The following NF1 variants were observed in gnomAD, a reference collection of about 807,000 sequenced individuals.
The protein encoded by NF1 is neurofibromin 1.
NF1 carries 122 observed loss-of-function variants against 325.7 expected under a neutral mutation model. The observed-to-expected ratio is 0.37, with a 90% CI of 0.32 to 0.44. The LOEUF is 0.44. Ranked by LOEUF, NF1 falls within the 20% of genes least tolerant of loss-of-function variation. The pLI, the probability that NF1 is intolerant of heterozygous loss-of-function variation, is 1.00. For synonymous variants in NF1, 1,091 were observed against 1,186.0 expected (o/e 0.92, Z 1.65); for missense variants, 2,140 against 3,415.4 (o/e 0.63, Z 9.31).
intron 5 of NF1, among the ~76,000 whole-genome samples, chr17:31,179,689 A>G (rs534970054): frequency 6.4e-4 from 98 of 152,244 alleles, no homozygotes; most frequent in Middle Eastern, 3.4e-3. Flanking sequence ...AGCCTGAGGC[A>G]GGAGAATGGC....
intron 36 of NF1, among the ~76,000 whole-genome samples, chr17:31,284,990 G>A (rs999629003): frequency 6.6e-6 from 1 of 151,994 alleles, no homozygotes; most frequent in Admixed American, 6.6e-5. Flanking sequence ...CATGCTTTGC[G>A]CGCCTGTAAT....
intron 36 of NF1, chr17:31,295,070 G>A: frequency 6.2e-7 from 1 of 1,614,144 alleles, no homozygotes; most frequent in Non-Finnish European, 8.5e-7. Flanking sequence ...TACTTTCCAA[G>A]CATTTGCCAC....
At chr17:31,224,362 G>A (rs2066977284) in intron 16 of NF1, among the ~76,000 whole-genome samples, 1 of 152,160 alleles carries the variant, frequency 6.6e-6, no homozygotes, top group Admixed American at 6.5e-5. Flanking sequence ...GGTACTAGAA[G>A]CATAGCTGTG....
intron 36 of NF1, among the ~76,000 whole-genome samples, chr17:31,293,178 C>CAAAAAAAAAAAAAAAAAAAAAAAAA (rs71142044): frequency 1.5e-4 from 10 of 64,884 alleles, no homozygotes; most frequent in East Asian, 5.0e-4. Flanking sequence ...GACTTCGTCT[C>CAAAAAAAAAAAAAAAAAAAAAAAAA]AAAAAAAAAA....
intron 1 of NF1, among the ~76,000 whole-genome samples, chr17:31,104,781 T>C (rs1428026624): frequency 2.6e-5 from 4 of 152,258 alleles, no homozygotes; most frequent in Non-Finnish European, 4.4e-5. Context: ...ATATAAACTA[T>C]AACTGCTGTT....
At chr17:31,359,127 A>G (rs2070343939) in intron 56 of NF1, 112 bp downstream of exon 56, 3 of 868,134 alleles carry the variant, frequency 3.5e-6, no homozygotes, top group South Asian at 3.0e-5. Flanking sequence ...ATAATTCACA[A>G]TAAACACATA....
intron 36 of NF1, among the ~76,000 whole-genome samples, chr17:31,322,947 A>G (rs1443891915): frequency 6.6e-6 from 1 of 152,236 alleles, no homozygotes; most frequent in African/African-American, 2.4e-5. Flanking sequence ...CCTTTTCGGT[A>G]GCCCTGAATC....
intron 22 of NF1, 21 bp downstream of exon 22, chr17:31,229,995 T>G (rs2151430917): frequency 6.2e-7 from 1 of 1,611,568 alleles, no homozygotes; most frequent in South Asian, 1.1e-5. Flanking sequence ...TACTGAAATG[T>G]AGCAGAAACA....
chr17:31,357,360 T>C lies in NF1; in HGVS notation c.7961T>C (p.Phe2654Ser). 6.2e-7 allele frequency: 1 copy of C among 1,612,652 alleles called. No individual in the cohort carries two copies. Among genetic ancestry groups the C allele is most frequent in the Non-Finnish European group, 8.5e-7 (1 of 1,178,706 alleles). ...AEASVVFPKVFPVVHNLLDSK... is the reference protein window; with the variant it reads ...AEASVVFPKVSPVVHNLLDSK... ...GCCAGTGTTGTGTTTCCCAAAGTCT[T>C]TCCTGTTGTGTAAGTATCTCCTTTT... Residue 2654 changes from phenylalanine (F) to serine (S), a missense_variant, in exon 54 of 58, where the codon TTT becomes TCT. Physicochemically the swap from Phe to Ser is radical, Grantham distance 155. Coordinates refer to ENST00000358273, the MANE Select transcript of NF1 (RefSeq NM_001042492.3).
intron 27 of NF1, among the ~76,000 whole-genome samples, chr17:31,234,076 A>G (rs1047208483): frequency 6.6e-6 from 1 of 152,066 alleles, no homozygotes; most frequent in African/African-American, 2.4e-5. Flanking sequence ...ACCACCTGAA[A>G]TGCTTCTCTT....
At chr17:31,221,623 G>C (rs1175928257) in intron 14 of NF1, among the ~76,000 whole-genome samples, 1 of 152,066 alleles carries the variant, frequency 6.6e-6, no homozygotes, top group African/African-American at 2.4e-5. Context: ...GTACATGCCA[G>C]TTAGAGTCAG....
chr17:31,332,928 T>A (rs989526536), intron 39 of NF1, among the ~76,000 whole-genome samples: 1 of 151,720 alleles, frequency 6.6e-6, no homozygotes, highest in South Asian at 2.1e-4. Context: ...TTATGTTTTT[T>A]AAAAAAGAAT....
chr17:31,336,524 C>T lies in NF1; in HGVS notation c.6147+51C>T, dbSNP rs2069673781. On this transcript the variant is annotated intron_variant, in intron 41 of 57. Transcript: ENST00000358273. This position sits in a 1 kb window ranked among gnomAD's most constrained non-coding sequence, Gnocchi z 5.5. ...TACTATAGCATATCTGTTTTATCAT[C>T]AGGAGGTTTTTTGTTTTGTAATTAC... 6.2e-7 allele frequency: 1 copy of T among 1,610,988 alleles called. No individual in the cohort carries two copies. The highest frequency in any genetic ancestry group is 1.7e-4 in the Middle Eastern group (1 of 6,048).
intron 57 of NF1, among the ~76,000 whole-genome samples, chr17:31,369,506 A>C (rs1446427137): frequency 1.3e-5 from 2 of 152,200 alleles, no homozygotes; most frequent in Non-Finnish European, 2.9e-5. Flanking sequence ...TAAGCTGGCA[A>C]ATCAGGACCA....
At chr17:31,206,089 G>T (rs2066614841) in intron 11 of NF1, 151 bp from the exon 12 acceptor site, 2 of 782,818 alleles carry the variant, frequency 2.6e-6, no homozygotes, top group South Asian at 2.9e-5. Context: ...TAAAGACGTT[G>T]TTTGAAGACT....
chr17:31,365,864 A>G (rs2070507433), intron 57 of NF1, among the ~76,000 whole-genome samples: 1 of 152,206 alleles, frequency 6.6e-6, no homozygotes, highest in South Asian at 2.1e-4. Flanking sequence ...ATTATGGCAA[A>G]AGTTTTATAA....
chr17:31,339,252 C>T (rs1208421087), intron 46 of NF1, among the ~76,000 whole-genome samples: 1 of 151,990 alleles, frequency 6.6e-6, no homozygotes, highest in East Asian at 1.9e-4. Context: ...GTGATTATTA[C>T]TATGGAGAAA....
chr17:31,340,793 C>A, intron 47 of NF1, 148 bp downstream of exon 47: 1 of 800,792 alleles, frequency 1.2e-6, no homozygotes, highest in Non-Finnish European at 2.0e-6. Flanking sequence ...TATTTCCTTA[C>A]CAGCTCATAA....
At chr17:31,228,938 T>A in intron 20 of NF1, 87 bp from the exon 21 acceptor site, 1 of 1,061,464 alleles carries the variant, frequency 9.4e-7, no homozygotes, top group Non-Finnish European at 1.4e-6. Flanking sequence ...ACTTTTGTCA[T>A]GGAAGAAATG....
Sources: allele counts gnomAD v4.1 joint callset (sites outside exome capture counted in the v4.1 genomes callset), GRCh38; gene constraint gnomAD v4.1.1; non-coding constraint Gnocchi (gnomAD v3.1); transcripts MANE v1.5; gene names NCBI Gene and HGNC (gene_info 2026-07-23, HGNC 2026-07-21).